Variants in USH2A observed in about 807,000 individuals in gnomAD.
USH2A encodes the protein Usher syndrome 2A (autosomal recessive, mild).
Under a neutral mutation model 538.9 loss-of-function variants are expected in USH2A, and 443 were observed. The ratio of observed to expected loss-of-function variants is 0.82; its 90% CI spans 0.76 to 0.89. USH2A has a LOEUF of 0.89. USH2A is among the 40% of genes least tolerant of loss of function. The pLI, the probability that USH2A is intolerant of heterozygous loss-of-function variation, is 0.00. For missense variants in USH2A, 6,633 were observed against 6,324.8 expected, an observed-to-expected ratio of 1.05 and a Z score of -1.65; for synonymous variants, 2,413 against 2,273.5, an observed-to-expected ratio of 1.06 and a Z score of -1.75.
intron 41 of USH2A, among the ~76,000 whole-genome samples, chr1:215,881,894 T>C (rs1014348946): frequency 1.2e-4 from 18 of 152,174 alleles, no homozygotes; most frequent in African/African-American, 4.1e-4. Flanking sequence ...TAAGGAACGA[T>C]TGACTTTCAG....
At chr1:215,686,743 T>C (rs1658435833) in intron 61 of USH2A, among the ~76,000 whole-genome samples, 1 of 152,062 alleles carries the variant, frequency 6.6e-6, no homozygotes, top group African/African-American at 2.4e-5. Context: ...CAGGAATTAA[T>C]TAATTAACTC....
At chr1:215,688,794 T>C (rs1361478900) in intron 61 of USH2A, among the ~76,000 whole-genome samples, 1 of 152,054 alleles carries the variant, frequency 6.6e-6, no homozygotes, top group Non-Finnish European at 1.5e-5. Context: ...CTAGAGGCCC[T>C]ATCTCCAAAT....
chr1:215,846,021 A>C lies in USH2A; in HGVS notation c.8858T>G (p.Leu2953Arg). Residue 2953 changes from leucine to arginine, a missense_variant, in exon 45 of 72, where the codon CTA (leucine) becomes CGA (arginine). Transcript: ENST00000307340. ...TGTGTAATATTCAACTTCACCTTGT[A>C]GGTCTTGAACAGCTGTCAACAATAA... Reference protein sequence around the residue: ...VRWAKPTVQDLQGEVEYYTLF... With the variant: ...VRWAKPTVQDRQGEVEYYTLF... 1 of 1,612,214 alleles carries C rather than the reference A, an allele frequency of 6.2e-7. No homozygotes were observed. The highest frequency in any genetic ancestry group is 8.5e-7 in the Non-Finnish European group (1 of 1,178,914).
chr1:215,644,764 G>A (rs1200511166), intron 67 of USH2A, among the ~76,000 whole-genome samples: 3 of 152,164 alleles, frequency 2.0e-5, no homozygotes, highest in African/African-American at 7.2e-5. Flanking sequence ...CAGTGCTGAG[G>A]AAGTTAAAGA....
chr1:215,892,623 A>G (rs918248699), intron 40 of USH2A, among the ~76,000 whole-genome samples: 4 of 152,154 alleles, frequency 2.6e-5, no homozygotes, highest in African/African-American at 9.7e-5. Flanking sequence ...AGCTCATAAT[A>G]AAAGATCCAA....
At chr1:216,354,265 A>G (rs762227127) in intron 4 of USH2A, among the ~76,000 whole-genome samples, 1 of 152,122 alleles carries the variant, frequency 6.6e-6, no homozygotes, top group Non-Finnish European at 1.5e-5. Context: ...AAAGGGAAAA[A>G]CGCCAAAAAA....
chr1:216,317,479 G>C (rs1388513443), intron 9 of USH2A, among the ~76,000 whole-genome samples: 4 of 152,018 alleles, frequency 2.6e-5, no homozygotes, highest in Non-Finnish European at 4.4e-5. Context: ...GATGATCTAT[G>C]CAACAAGCCA....
chr1:215,699,797 T>C (rs1047770154), intron 61 of USH2A, among the ~76,000 whole-genome samples: 1 of 152,234 alleles, frequency 6.6e-6, no homozygotes, highest in Non-Finnish European at 1.5e-5. Context: ...ATATGCTTTA[T>C]TTCTTTATCT....
intron 48 of USH2A, among the ~76,000 whole-genome samples, chr1:215,816,670 T>A (rs914793549): frequency 6.6e-5 from 10 of 152,060 alleles, no homozygotes; most frequent in African/African-American, 2.4e-4. Flanking sequence ...TCACAGTTAC[T>A]CATCAGTGCC....
intron 3 of USH2A, among the ~76,000 whole-genome samples, chr1:216,373,997 G>A (rs935910489): frequency 8.6e-5 from 13 of 150,726 alleles, no homozygotes; most frequent in Non-Finnish European, 1.3e-4. Flanking sequence ...GCAAACTATC[G>A]CAAGGACAAA....
intron 4 of USH2A, among the ~76,000 whole-genome samples, chr1:216,334,249 C>A (rs895365522): frequency 6.6e-6 from 1 of 151,830 alleles, no homozygotes; most frequent in East Asian, 1.9e-4. Flanking sequence ...ATTTTGCATA[C>A]TCTTAAAATT....
chr1:216,377,892 G>C (rs959203595), intron 3 of USH2A, among the ~76,000 whole-genome samples: 1 of 146,332 alleles, frequency 6.8e-6, no homozygotes, highest in African/African-American at 2.5e-5. Flanking sequence ...AGGAAGGAAG[G>C]AAGAAAGAAA....
chr1:216,131,128 T>C (rs1368907896), intron 21 of USH2A, among the ~76,000 whole-genome samples: 2 of 152,096 alleles, frequency 1.3e-5, no homozygotes, highest in African/African-American at 4.8e-5. Flanking sequence ...TGTCTATTTA[T>C]GTCCTTAGCC....
At chr1:216,161,373 C>A (rs1165282751) in intron 21 of USH2A, among the ~76,000 whole-genome samples, 1 of 152,044 alleles carries the variant, frequency 6.6e-6, no homozygotes, top group East Asian at 1.9e-4. Context: ...TTACCTTTGG[C>A]ATCATAATCT....
chr1:216,261,041 T>G (rs115289677), intron 11 of USH2A, among the ~76,000 whole-genome samples: 2,868 of 152,260 alleles, frequency 0.019, 36 homozygotes, highest in Non-Finnish European at 0.026. Flanking sequence ...GTTTTACCAT[T>G]TCTCTACAGA....
chr1:216,180,847 T>A (rs1258980430), intron 20 of USH2A, among the ~76,000 whole-genome samples: 1 of 152,122 alleles, frequency 6.6e-6, no homozygotes, highest in African/African-American at 2.4e-5. Context: ...GAAATACAAT[T>A]TGCCAAACAC....
At chr1:216,242,653 C>A (rs545935728) in intron 13 of USH2A, among the ~76,000 whole-genome samples, 4 of 152,090 alleles carry the variant, frequency 2.6e-5, no homozygotes, top group Non-Finnish European at 5.9e-5. Context: ...GTTTCCATTG[C>A]AATAAAATAT....
chr1:216,148,826 C>T (rs948683400), intron 21 of USH2A, among the ~76,000 whole-genome samples: 27 of 150,724 alleles, frequency 1.8e-4, no homozygotes, highest in African/African-American at 6.4e-4. Flanking sequence ...TCCTTTGCAC[C>T]CTTAATCCCA....
intron 64 of USH2A, among the ~76,000 whole-genome samples, chr1:215,659,956 C>T (rs956830414): frequency 6.6e-6 from 1 of 152,130 alleles, no homozygotes. Context: ...AACATCTATC[C>T]CACAGGACTA....
Sources: gnomAD v4.1 joint callset for allele counts (sites outside exome capture counted in the v4.1 genomes callset) on GRCh38, gnomAD v4.1.1 for gene constraint, MANE v1.5 for transcripts, NCBI Gene and HGNC (gene_info 2026-07-23, HGNC 2026-07-21) for gene names.